The following MYCT1 variants were observed in gnomAD, a reference collection of about 807,000 sequenced individuals.
The protein encoded by MYCT1 is MYC target 1, also known as myc target protein 1.
Under a neutral mutation model 15.0 loss-of-function variants are expected in MYCT1, and 12 were observed. The ratio of observed to expected loss-of-function variants is 0.80; its 90% confidence interval spans 0.51 to 1.29. The LOEUF (loss-of-function observed/expected upper bound fraction) is 1.29. Among genes scored for constraint, MYCT1 ranks in the 50% most tolerant of loss-of-function variants. The pLI is 0.00. For missense variants in MYCT1, 287 were observed against 279.1 expected, an observed-to-expected ratio of 1.03 and a Z score of -0.20; for synonymous variants, 104 against 102.7, an observed-to-expected ratio of 1.01 and a Z score of -0.07.
chr6:152,725,348 T>C (rs994520522), downstream of MYCT1, among the ~76,000 whole-genome samples: 1 of 152,228 alleles, frequency 6.6e-6, no homozygotes, highest in African/African-American at 2.4e-5. Flanking sequence ...GAAAAATTAA[T>C]TGATTTACAA....
chr6:152,746,887 G>A, the MYCT1 span, among the ~76,000 whole-genome samples: 7 of 152,266 alleles, frequency 4.6e-5, no homozygotes, highest in East Asian at 7.7e-4. Context: ...GACAGATAAC[G>A]AGGTTTTGGA....
chr6:152,732,745 CAAAGA>C, the MYCT1 span, among the ~76,000 whole-genome samples: 1 of 152,094 alleles, frequency 6.6e-6, no homozygotes, highest in Non-Finnish European at 1.5e-5. Context: ...GGCACAGACA[CAAAGA>C]AGAGAAGGTG....
downstream of MYCT1, among the ~76,000 whole-genome samples, chr6:152,726,528 T>A (rs970328407): frequency 3.9e-5 from 6 of 152,158 alleles, no homozygotes; most frequent in Admixed American, 1.3e-4. Flanking sequence ...ATTACCTTCT[T>A]TGAAGTTTTC....
At position 152,722,726 on chromosome 6, in the gene MYCT1, C is replaced by A; in HGVS notation, c.*473C>A. On this transcript the variant is annotated 3_prime_UTR_variant, in exon 2 of 2. Coordinates refer to ENST00000367245, the MANE Select transcript of MYCT1 (RefSeq NM_025107.3). ...ACAAGTGAATCATATTGACATTTTA[C>A]AATCTTAGATTTTTCTTTTTTTTTC... 7.8e-6 allele frequency: 3 copies of A among 383,852 alleles called. No individual in the cohort carries two copies. The highest frequency in any genetic ancestry group is 1.0e-5 in the Non-Finnish European group (2 of 195,964). 23.8% of individuals were successfully genotyped at this position (383,852 alleles called of 1,614,324 possible). A position where few individuals can be genotyped will look rare whatever the true frequency, so the allele number is the denominator to read the frequency against.
At chr6:152,708,666 A>G (rs1282452) in intron 1 of MYCT1, among the ~76,000 whole-genome samples, 105,523 of 151,830 alleles carry the variant, frequency 0.7, 37,602 homozygotes, top group East Asian at 0.98. Context: ...CTAGAAAAAT[A>G]TATTTTAAAG....
chr6:152,719,453 G>A (rs1199727452), intron 1 of MYCT1, among the ~76,000 whole-genome samples: 1 of 152,180 alleles, frequency 6.6e-6, no homozygotes, highest in East Asian at 1.9e-4. Flanking sequence ...CTATGGGCTT[G>A]TTACTTACCT....
In MYCT1 at chr6:152,724,447, A is replaced by T. The variant is rs973683076; in HGVS notation, c.*2194A>T. The T allele has an allele frequency of 1.3e-5, 2 of 152,178 alleles. No homozygotes were observed. Among genetic ancestry groups the T allele is most frequent in the African/African-American group, 4.8e-5 (2 of 41,464 alleles). The allele number at this position is 152,178 out of a possible 1,614,324, so 9.4% of individuals were successfully genotyped here. A position where few individuals can be genotyped will look rare whatever the true frequency, so the allele number is the denominator to read the frequency against. On this transcript the variant is annotated 3_prime_UTR_variant, in exon 2 of 2. Coordinates refer to ENST00000367245, the MANE Select transcript of MYCT1 (RefSeq NM_025107.3). ...TCCCAGTTATAAGACAGTCAAAATG[A>T]CTATTTCCTAAATATTGTGAGTGTA... is the stretch of plus-strand genomic sequence containing the variant.
At chr6:152,732,293 A>G in the MYCT1 span, among the ~76,000 whole-genome samples, 1 of 152,216 alleles carries the variant, frequency 6.6e-6, no homozygotes, top group African/African-American at 2.4e-5. Flanking sequence ...CTTAAAGCTA[A>G]AATAAAAATT....
the MYCT1 span, among the ~76,000 whole-genome samples, chr6:152,743,953 C>A: frequency 6.6e-6 from 1 of 152,194 alleles, no homozygotes; most frequent in Non-Finnish European, 1.5e-5. Flanking sequence ...GCAGCTCCTG[C>A]TTCCTTGACA....
At chr6:152,735,597 C>T in the MYCT1 span, among the ~76,000 whole-genome samples, 1 of 152,022 alleles carries the variant, frequency 6.6e-6, no homozygotes, top group Admixed American at 6.6e-5. Context: ...AATATGCTTA[C>T]CTCATGCATT....
chr6:152,732,182 A>G, the MYCT1 span, among the ~76,000 whole-genome samples: 208 of 152,308 alleles, frequency 1.4e-3, 2 homozygotes, highest in Admixed American at 3.0e-3. Context: ...TTAGATGAAG[A>G]TAAAATGTCA....
downstream of MYCT1, among the ~76,000 whole-genome samples, chr6:152,725,210 T>G (rs1253563599): frequency 6.6e-6 from 1 of 152,078 alleles, no homozygotes; most frequent in Admixed American, 6.6e-5. Flanking sequence ...AGAAGTTAAG[T>G]TAATATAAAT....
At chr6:152,731,601 A>G in the MYCT1 span, among the ~76,000 whole-genome samples, 2 of 152,026 alleles carry the variant, frequency 1.3e-5, no homozygotes, top group Non-Finnish European at 2.9e-5. Context: ...ATTCCCACCT[A>G]TGAGTGAGAA....
chr6:152,700,054 G>A (rs1170526144), intron 1 of MYCT1, among the ~76,000 whole-genome samples: 2 of 151,842 alleles, frequency 1.3e-5, no homozygotes, highest in Admixed American at 6.6e-5. Flanking sequence ...GATGATTTTA[G>A]GAAAATATAT....
chr6:152,739,530 C>A, the MYCT1 span, among the ~76,000 whole-genome samples: 2 of 151,728 alleles, frequency 1.3e-5, no homozygotes, highest in Non-Finnish European at 2.9e-5. Context: ...TTAACTTAAG[C>A]CTCTTTCATT....
downstream of MYCT1, among the ~76,000 whole-genome samples, chr6:152,727,546 A>G (rs2099725876): frequency 6.6e-6 from 1 of 152,240 alleles, no homozygotes; most frequent in Non-Finnish European, 1.5e-5. Context: ...AGTTGAAGCC[A>G]TGCTGGAAGA....
At chr6:152,730,439 A>G in the MYCT1 span, among the ~76,000 whole-genome samples, 2 of 152,214 alleles carry the variant, frequency 1.3e-5, no homozygotes, top group African/African-American at 4.8e-5. Flanking sequence ...ACTCCGCACA[A>G]TTTTTGCGTG....
chr6:152,734,817 A>G, the MYCT1 span, among the ~76,000 whole-genome samples: 22 of 152,288 alleles, frequency 1.4e-4, no homozygotes, highest in South Asian at 4.6e-3. Flanking sequence ...GTCTCATTGA[A>G]TCTTGTGCTA....
At chr6:152,719,731 T>C (rs754491454) in intron 1 of MYCT1, among the ~76,000 whole-genome samples, 50 of 152,350 alleles carry the variant, frequency 3.3e-4, no homozygotes, top group Non-Finnish European at 6.6e-4. Flanking sequence ...TGATTATTCC[T>C]TTGTAGTTAT....
Sources: allele counts gnomAD v4.1 joint callset (sites outside exome capture counted in the v4.1 genomes callset), GRCh38; gene constraint gnomAD v4.1.1; transcripts MANE v1.5; gene names NCBI Gene and HGNC (gene_info 2026-07-23, HGNC 2026-07-21).